The following BMAL2 variants were observed in gnomAD, a reference collection of about 807,000 sequenced individuals.
BMAL2 encodes the protein basic helix-loop-helix ARNT-like protein 2.
the BMAL2 span, chr12:27,420,602 A>G: frequency 1.4e-5 from 21 of 1,462,610 alleles, no homozygotes; most frequent in Middle Eastern, 3.7e-4. Context: ...TGTCTCAACT[A>G]TTCTTAAGTA....
the BMAL2 span, chr12:27,424,546 C>T: frequency 6.6e-6 from 1 of 152,122 alleles, no homozygotes; most frequent in Non-Finnish European, 1.5e-5. Context: ...AAAAGGATGT[C>T]TTTGTTGTCA....
At chr12:27,389,850 C>T in the BMAL2 span, 1 of 338,376 alleles carries the variant, frequency 3.0e-6, no homozygotes, top group Non-Finnish European at 5.3e-6. Flanking sequence ...TAACTTTGTT[C>T]TTCCCCATTT....
the BMAL2 span, among the ~76,000 whole-genome samples, chr12:27,393,239 A>G: frequency 2.0e-5 from 3 of 152,138 alleles, no homozygotes; most frequent in East Asian, 3.8e-4. Flanking sequence ...ATCCACTATC[A>G]CCATTTGAAC....
the BMAL2 span, among the ~76,000 whole-genome samples, chr12:27,361,573 G>A: frequency 6.6e-6 from 1 of 152,142 alleles, no homozygotes; most frequent in Non-Finnish European, 1.5e-5. Flanking sequence ...AAGCAGAGCT[G>A]AACTTCAATT....
chr12:27,338,684 C>T, the BMAL2 span, among the ~76,000 whole-genome samples: 1 of 152,212 alleles, frequency 6.6e-6, no homozygotes, highest in East Asian at 1.9e-4. Context: ...ACAGTGAACA[C>T]AGGCAGCCTG....
At chr12:27,400,407 T>C in the BMAL2 span, 1 of 754,460 alleles carries the variant, frequency 1.3e-6, no homozygotes, top group Non-Finnish European at 1.9e-6. Flanking sequence ...ACCATTCCCC[T>C]TTCATATTTT....
the BMAL2 span, among the ~76,000 whole-genome samples, chr12:27,404,013 T>C: frequency 6.7e-6 from 1 of 149,652 alleles, no homozygotes; most frequent in African/African-American, 2.4e-5. Context: ...AAAAAAAAAA[T>C]TAGCTGGATG....
chr12:27,364,773 G>A, the BMAL2 span, among the ~76,000 whole-genome samples: 1 of 152,058 alleles, frequency 6.6e-6, no homozygotes, highest in South Asian at 2.1e-4. Context: ...CAATTCAAAA[G>A]CCTGGCATAT....
chr12:27,411,395 T>A, the BMAL2 span, among the ~76,000 whole-genome samples: 4 of 151,690 alleles, frequency 2.6e-5, no homozygotes, highest in African/African-American at 9.7e-5. Flanking sequence ...AGGTAGAGGA[T>A]CACTTGAGGC....
the BMAL2 span, among the ~76,000 whole-genome samples, chr12:27,339,024 A>T: frequency 6.6e-6 from 1 of 152,166 alleles, no homozygotes; most frequent in African/African-American, 2.4e-5. Flanking sequence ...AACTCGTGTC[A>T]CAGGGGTTTG....
At chr12:27,342,768 G>A in the BMAL2 span, among the ~76,000 whole-genome samples, 5 of 152,356 alleles carry the variant, frequency 3.3e-5, no homozygotes, top group Non-Finnish European at 5.9e-5. Context: ...CATCTCTTCT[G>A]TAACAAGTCA....
the BMAL2 span, chr12:27,376,297 C>T: frequency 3.3e-6 from 5 of 1,508,008 alleles, no homozygotes; most frequent in Non-Finnish European, 4.6e-6. Context: ...TCAAGAACTA[C>T]AGAAAAGGTA....
chr12:27,377,306 G>A, the BMAL2 span: 2 of 152,202 alleles, frequency 1.3e-5, no homozygotes, highest in Non-Finnish European at 2.9e-5. Flanking sequence ...ACCTTTTCGG[G>A]TGTAGCTCTT....
the BMAL2 span, chr12:27,401,169 T>C: frequency 9.4e-7 from 1 of 1,064,074 alleles, no homozygotes; most frequent in South Asian, 1.3e-5. Context: ...GTGCACTTCT[T>C]TACGATCCTG....
chr12:27,341,516 C>T, the BMAL2 span, among the ~76,000 whole-genome samples: 20,930 of 152,182 alleles, frequency 0.14, 1,919 homozygotes, highest in Middle Eastern at 0.28. Flanking sequence ...ATTTGGTTAG[C>T]GCAGCTACTT....
At chr12:27,375,139 A>G in the BMAL2 span, among the ~76,000 whole-genome samples, 85,473 of 152,014 alleles carry the variant, frequency 0.56, 24,567 homozygotes, top group East Asian at 0.75. Context: ...CCTGAAAAAT[A>G]TTCATTGTTA....
At chr12:27,374,223 C>T in the BMAL2 span, among the ~76,000 whole-genome samples, 2 of 151,736 alleles carry the variant, frequency 1.3e-5, no homozygotes, top group African/African-American at 4.8e-5. Context: ...TATATATAGT[C>T]AGTCCTTCAT....
chr12:27,405,620 A>G, the BMAL2 span, among the ~76,000 whole-genome samples: 1 of 152,312 alleles, frequency 6.6e-6, no homozygotes, highest in Non-Finnish European at 1.5e-5. Context: ...TCAAAGACCA[A>G]AGGTAGATAA....
At chr12:27,334,834 C>T in the BMAL2 span, among the ~76,000 whole-genome samples, 1 of 152,232 alleles carries the variant, frequency 6.6e-6, no homozygotes, top group East Asian at 1.9e-4. Flanking sequence ...CACAGGGGTG[C>T]TTCTGTTAGT....
Sources: gnomAD v4.1 joint callset for allele counts (sites outside exome capture counted in the v4.1 genomes callset) on GRCh38, gnomAD v4.1.1 for gene constraint, MANE v1.5 for transcripts, NCBI Gene and HGNC (gene_info 2026-07-23, HGNC 2026-07-21) for gene names.